The following ANKRD36 variants were observed in gnomAD, a reference collection of about 807,000 sequenced individuals.
The protein encoded by ANKRD36 is ankyrin repeat domain-containing protein 36A.
In ANKRD36, 179 loss-of-function variants were observed where a neutral mutation model predicts 278.1. The observed-to-expected ratio is 0.64, with a 90% CI of 0.57 to 0.73. The LOEUF (loss-of-function observed/expected upper bound fraction) is 0.73, where lower values mean the gene tolerates loss of function less well. Among genes scored for constraint, ANKRD36 ranks in the 30% least tolerant of loss-of-function variants. The probability of loss-of-function intolerance (pLI) is 0.00; values close to 1 mark genes in which losing one functional copy is unlikely to be tolerated. For synonymous variants in ANKRD36, 320 were observed against 641.1 expected (o/e 0.50, Z 7.57); for missense variants, 1,159 against 1,956.7 (o/e 0.59, Z 7.69).
chr2:97,171,851 G>T (rs2052655014), intron 22 of ANKRD36, among the ~76,000 whole-genome samples: 1 of 151,942 alleles, frequency 6.6e-6, no homozygotes. Flanking sequence ...CAGGACATTG[G>T]CATGGGCAAA....
intron 4 of ANKRD36, among the ~76,000 whole-genome samples, chr2:97,123,773 T>C (rs1280484067): frequency 6.8e-6 from 1 of 146,810 alleles, no homozygotes; most frequent in African/African-American, 2.5e-5. Flanking sequence ...ATATATAATA[T>C]ATAATATATA....
intron 68 of ANKRD36, among the ~76,000 whole-genome samples, chr2:97,235,061 G>T (rs1423662747): frequency 6.7e-6 from 1 of 149,780 alleles, no homozygotes; most frequent in East Asian, 2.0e-4. Flanking sequence ...TTTGCATTTT[G>T]TGTCATATGT....
intron 67 of ANKRD36, among the ~76,000 whole-genome samples, chr2:97,229,195 TA>T (rs1327034960): frequency 6.6e-6 from 1 of 151,490 alleles, no homozygotes; most frequent in Non-Finnish European, 1.5e-5. Flanking sequence ...GTCTCCTTAT[TA>T]ACTTTCTGTC....
At chr2:97,231,633 T>C (rs1247846718) in intron 67 of ANKRD36, among the ~76,000 whole-genome samples, 7 of 152,114 alleles carry the variant, frequency 4.6e-5, no homozygotes, top group African/African-American at 1.7e-4. Context: ...CACGGTGCAC[T>C]GCACCCACTG....
At chr2:97,128,592 TC>T (rs1168831328) in intron 6 of ANKRD36, among the ~76,000 whole-genome samples, 2 of 152,036 alleles carry the variant, frequency 1.3e-5, no homozygotes, top group African/African-American at 4.8e-5. Flanking sequence ...TCTACCAAGA[TC>T]CTGTGTAACC....
chr2:97,142,172 G>A (rs71429316), intron 6 of ANKRD36, among the ~76,000 whole-genome samples: 510 of 134,946 alleles, frequency 3.8e-3, no homozygotes, highest in East Asian at 9.2e-3. Flanking sequence ...AAGTGTCATC[G>A]TAATTGTGTA....
At position 97,198,314 on chromosome 2, in the gene ANKRD36, C is replaced by T. The variant is rs190253737; in HGVS notation, c.2654-149C>T. ...CCCTTTTCTCAGCGTATTTCTGTCA[C>T]GTTCTAGTCCCCAGACACAAAGTAG... On this transcript the variant is annotated intron_variant, in intron 42 of 75. Transcript: ENST00000420699. 303 of 1,479,870 alleles carry T rather than the reference C, an allele frequency of 2.0e-4. 1 individual carries two copies. The highest frequency in any genetic ancestry group is 1.9e-3 in the Middle Eastern group (8 of 4,142). The allele number at this position is 1,479,870 out of a possible 1,614,324, so 91.7% of individuals were successfully genotyped here.
chr2:97,227,603 T>C (rs2070317903), intron 67 of ANKRD36, among the ~76,000 whole-genome samples: 1 of 152,106 alleles, frequency 6.6e-6, no homozygotes, highest in African/African-American at 2.4e-5. Context: ...TTTTCCTAAT[T>C]GAATACCCTT....
chr2:97,181,697 T>G (rs765885989), intron 25 of ANKRD36, 24 bp from the exon 26 acceptor site: 2 of 1,607,220 alleles, frequency 1.2e-6, no homozygotes, highest in Non-Finnish European at 1.7e-6. Flanking sequence ...ACATATTGAT[T>G]ATTTTGTTTC....
intron 46 of ANKRD36, 90 bp downstream of exon 46, chr2:97,200,615 G>A: frequency 6.6e-7 from 1 of 1,514,504 alleles, no homozygotes; most frequent in South Asian, 1.2e-5. Flanking sequence ...GGTTGAAGCT[G>A]CACGTTCTGA....
chr2:97,187,130 C>A (rs2057564267), intron 30 of ANKRD36, 68 bp from the exon 31 acceptor site: 14 of 1,598,046 alleles, frequency 8.8e-6, no homozygotes, highest in Admixed American at 5.1e-5. Flanking sequence ...GATGCTAACA[C>A]CGCATGAATG....
intron 1 of ANKRD36, among the ~76,000 whole-genome samples, chr2:97,115,116 G>C (rs1168926156): frequency 6.6e-6 from 1 of 152,054 alleles, no homozygotes; most frequent in Non-Finnish European, 1.5e-5. Flanking sequence ...TACAAGTAAT[G>C]GCGAAAGCCG....
chr2:97,171,152 AGG>A (rs2052361715), intron 22 of ANKRD36, among the ~76,000 whole-genome samples: 1 of 119,760 alleles, frequency 8.4e-6, no homozygotes, highest in African/African-American at 3.2e-5. Context: ...GCGATTCCTC[AGG>A]GATCTAGAAC....
In ANKRD36 at chr2:97,194,753, A is replaced by C; in HGVS notation, c.2477A>C (p.Lys826Thr). Residue 826 changes from lysine (K) to threonine (T), a missense_variant and splice_region_variant, in exon 39 of 76, where the codon AAG becomes ACG. Transcript: ENST00000420699. Reference sequence around the variant, plus strand: ...TCTTCTCGGAAAAAACCAGCCTTGAAGGTAATGAAACTCTCATTCATATTG... The same window carrying C: ...TCTTCTCGGAAAAAACCAGCCTTGACGGTAATGAAACTCTCATTCATATTG... ...TVSSRKKPAL[K>T]ATSDEKDSFS... 6.2e-7 allele frequency: 1 copy of C among 1,603,804 alleles called. No homozygotes were observed.
In ANKRD36 at chr2:97,231,625, C is replaced by T. The variant is rs569815148; in HGVS notation, c.3952-2105C>T. ...GCCTCACCCTCCTTTGGGTCACACA[C>T]GGTGCACTGCACCCACTGTCCAGCA... On this transcript the variant is annotated intron_variant, in intron 67 of 75. Transcript: ENST00000420699. 4.4e-3 allele frequency among the ~76,000 whole-genome samples: 663 copies of T among 152,138 alleles called. 2 individuals carry two copies. The highest frequency in any genetic ancestry group is 9.0e-3 in the African/African-American group (373 of 41,510).
At chr2:97,209,012 T>C (rs2063633460) in intron 54 of ANKRD36, among the ~76,000 whole-genome samples, 1 of 146,730 alleles carries the variant, frequency 6.8e-6, no homozygotes, top group Non-Finnish European at 1.5e-5. Context: ...TAATATATTA[T>C]CCTTTGGTGC....
At chr2:97,256,352 C>G (rs1332737594) in intron 75 of ANKRD36, among the ~76,000 whole-genome samples, 8 of 151,938 alleles carry the variant, frequency 5.3e-5, no homozygotes, top group Non-Finnish European at 1.2e-4. Flanking sequence ...AGCAAAACTC[C>G]GCTTCAAAAA....
chr2:97,116,807 C>T (rs1350587301), intron 1 of ANKRD36, among the ~76,000 whole-genome samples: 1 of 151,998 alleles, frequency 6.6e-6, no homozygotes. Flanking sequence ...TATCACTATT[C>T]CAAAAGCACT....
intron 66 of ANKRD36, among the ~76,000 whole-genome samples, chr2:97,220,502 TTTG>T (rs2067115620): frequency 1.3e-5 from 2 of 151,486 alleles, no homozygotes; most frequent in South Asian, 4.3e-4. Context: ...CCTTCCTTTC[TTTG>T]CCTGGATTAT....
Sources: allele counts gnomAD v4.1 joint callset (sites outside exome capture counted in the v4.1 genomes callset), GRCh38; gene constraint gnomAD v4.1.1; transcripts MANE v1.5; gene names NCBI Gene and HGNC (gene_info 2026-07-23, HGNC 2026-07-21).